Variants in HERC3 observed in about 807,000 individuals in gnomAD.
HERC3 encodes probable E3 ubiquitin-protein ligase HERC3.
HERC3 carries 58 observed loss-of-function variants against 129.9 expected under a neutral mutation model. The ratio of observed to expected loss-of-function variants is 0.45; its 90% CI spans 0.36 to 0.56. The LOEUF (loss-of-function observed/expected upper bound fraction) is 0.56, where lower values mean the gene tolerates loss of function less well. Among genes scored for constraint, HERC3 ranks in the 20% least tolerant of loss-of-function variants. The pLI is 0.00. For missense variants in HERC3, 835 were observed against 1,244.2 expected (o/e 0.67, Z 4.95); for synonymous variants, 430 against 451.0 (o/e 0.95, Z 0.59).
the HERC3 span, among the ~76,000 whole-genome samples, chr4:88,554,430 A>C: frequency 6.6e-6 from 1 of 152,174 alleles, no homozygotes; most frequent in Admixed American, 6.6e-5. Flanking sequence ...CAGGCACATA[A>C]TTTTCAATGA....
the HERC3 span, among the ~76,000 whole-genome samples, chr4:88,577,715 G>T: frequency 6.7e-6 from 1 of 149,026 alleles, no homozygotes; most frequent in African/African-American, 2.5e-5. Context: ...TTGCTTTTCT[G>T]TCTCCATAAA....
At chr4:88,534,400 A>G in the HERC3 span, among the ~76,000 whole-genome samples, 3 of 152,228 alleles carry the variant, frequency 2.0e-5, no homozygotes, top group African/African-American at 4.8e-5. Context: ...AAATGTCAAC[A>G]GTGACCAGGC....
intron 3 of HERC3, among the ~76,000 whole-genome samples, chr4:88,633,354 T>C (rs187378282): frequency 6.6e-6 from 1 of 152,350 alleles, no homozygotes; most frequent in Non-Finnish European, 1.5e-5. Context: ...CTCCAGTATA[T>C]ATTTTATGGT....
the HERC3 span, among the ~76,000 whole-genome samples, chr4:88,577,302 G>T: frequency 6.6e-6 from 1 of 152,102 alleles, no homozygotes; most frequent in Admixed American, 6.6e-5. Flanking sequence ...TGGCATTAAA[G>T]CCTCATCTAA....
At chr4:88,560,575 A>T in the HERC3 span, among the ~76,000 whole-genome samples, 4 of 152,166 alleles carry the variant, frequency 2.6e-5, no homozygotes, top group African/African-American at 4.8e-5. Flanking sequence ...GCTGTGCAGA[A>T]ACTTTTTAGT....
chr4:88,545,293 A>T, the HERC3 span, among the ~76,000 whole-genome samples: 10 of 152,164 alleles, frequency 6.6e-5, no homozygotes, highest in Admixed American at 3.9e-4. Flanking sequence ...TTTTTTCTAA[A>T]TAAAATAAAA....
At position 88,686,717 on chromosome 4, in the gene HERC3, T is replaced by C. The variant is rs748560943; in HGVS notation, c.2508-19T>C. 2.5e-6 allele frequency: 4 copies of C among 1,575,926 alleles called. No homozygotes were observed. In the South Asian group the frequency reaches 3.3e-5, roughly 13 times the overall value. On this transcript the variant is annotated intron_variant, in intron 21 of 25. Coordinates refer to ENST00000402738, the MANE Select transcript of HERC3 (RefSeq NM_014606.3). ...GTGTCTGACTTGCCACTTTTCCTTTTCTGTCATTCTATGATTAGGAGTCTC... is the reference window on the plus strand; with the variant it reads ...GTGTCTGACTTGCCACTTTTCCTTTCCTGTCATTCTATGATTAGGAGTCTC...
At chr4:88,706,409 A>G (rs1735783608) in intron 25 of HERC3, among the ~76,000 whole-genome samples, 1 of 152,226 alleles carries the variant, frequency 6.6e-6, no homozygotes, top group Non-Finnish European at 1.5e-5. Flanking sequence ...AAGGTGGTAC[A>G]GGCATCAGGC....
intron 21 of HERC3, among the ~76,000 whole-genome samples, chr4:88,681,528 C>T (rs187380328): frequency 0.016 from 2,433 of 152,158 alleles, 32 homozygotes; most frequent in Non-Finnish European, 0.026. Context: ...TATCGGTATC[C>T]GAGGGGTATT....
chr4:88,685,216 C>G (rs978183679), intron 21 of HERC3, among the ~76,000 whole-genome samples: 1 of 152,132 alleles, frequency 6.6e-6, no homozygotes, highest in Non-Finnish European at 1.5e-5. Context: ...ACCAGAAATA[C>G]CATTTGACCC....
intron 3 of HERC3, among the ~76,000 whole-genome samples, chr4:88,621,635 G>A (rs1725532145): frequency 6.6e-6 from 1 of 152,168 alleles, no homozygotes; most frequent in South Asian, 2.1e-4. Context: ...GGCCTGTAGT[G>A]ATCTGCATGT....
At chr4:88,693,365 T>C in intron 23 of HERC3, 3 of 961,538 alleles carry the variant, frequency 3.1e-6, no homozygotes, top group Non-Finnish European at 3.7e-6. Flanking sequence ...TTGATTTTGC[T>C]AATGAATTAT....
the HERC3 span, among the ~76,000 whole-genome samples, chr4:88,568,808 T>C: frequency 6.6e-6 from 1 of 151,932 alleles, no homozygotes; most frequent in African/African-American, 2.4e-5. Context: ...GGTGCCCTCT[T>C]CCACTGCAGC....
At chr4:88,614,018 A>C (rs962067795) in intron 3 of HERC3, among the ~76,000 whole-genome samples, 2 of 152,160 alleles carry the variant, frequency 1.3e-5, no homozygotes, top group Non-Finnish European at 2.9e-5. Flanking sequence ...TGTTTTAGAA[A>C]ATGTGTACTT....
At chr4:88,690,335 C>T in intron 23 of HERC3, 1 of 985,174 alleles carries the variant, frequency 1.0e-6, no homozygotes, top group Non-Finnish European at 1.2e-6. Context: ...ATTTGTTAGC[C>T]CAGCTGATTT....
the HERC3 span, among the ~76,000 whole-genome samples, chr4:88,538,812 G>A: frequency 6.6e-6 from 1 of 151,976 alleles, no homozygotes; most frequent in East Asian, 1.9e-4. Context: ...CAAAGTGCTG[G>A]GATTACAGGC....
intron 20 of HERC3, 64 bp from the exon 21 acceptor site, chr4:88,681,095 T>A (rs1309003984): frequency 1.3e-6 from 2 of 1,492,306 alleles, no homozygotes; most frequent in Non-Finnish European, 1.8e-6. Flanking sequence ...AGGGAAATGG[T>A]AGAATGTTTG....
the HERC3 span, among the ~76,000 whole-genome samples, chr4:88,532,941 C>T: frequency 3.2e-4 from 48 of 152,296 alleles, no homozygotes; most frequent in South Asian, 2.9e-3. Context: ...ATATACGAAA[C>T]GGACTTTATT....
the HERC3 span, among the ~76,000 whole-genome samples, chr4:88,546,828 C>T: frequency 1.3e-5 from 2 of 152,144 alleles, no homozygotes; most frequent in African/African-American, 4.8e-5. Flanking sequence ...TGTATTTAGC[C>T]TCTGTCATAG....
Sources: gnomAD v4.1 joint callset for allele counts (sites outside exome capture counted in the v4.1 genomes callset) on GRCh38, gnomAD v4.1.1 for gene constraint, MANE v1.5 for transcripts, NCBI Gene and HGNC (gene_info 2026-07-23, HGNC 2026-07-21) for gene names.